Variants in TDRD9 observed in about 807,000 individuals in gnomAD.
TDRD9 encodes tudor domain containing 9.
TDRD9 carries 124 observed loss-of-function variants against 172.6 expected under a neutral mutation model. The ratio of observed to expected loss-of-function variants is 0.72; its 90% confidence interval spans 0.62 to 0.83. The LOEUF (loss-of-function observed/expected upper bound fraction) is 0.83, where lower values mean the gene tolerates loss of function less well. Ranked by LOEUF, TDRD9 falls within the 40% of genes least tolerant of loss-of-function variation. The probability of loss-of-function intolerance (pLI) is 0.00; values close to 1 mark genes in which losing one functional copy is unlikely to be tolerated. For missense variants in TDRD9, 1,479 were observed against 1,714.1 expected, an observed-to-expected ratio of 0.86 and a Z score of 2.42; for synonymous variants, 619 against 617.1, an observed-to-expected ratio of 1.00 and a Z score of -0.05.
chr14:104,042,578 TC>T (rs2035640863), intron 34 of TDRD9, among the ~76,000 whole-genome samples: 1 of 152,122 alleles, frequency 6.6e-6, no homozygotes, highest in Non-Finnish European at 1.5e-5. Flanking sequence ...TGACCTGACT[TC>T]CCTGTTTCTC....
chr14:104,022,300 G>T lies in TDRD9; in HGVS notation c.2576G>T (p.Gly859Val), dbSNP rs754739813. The change falls in exon 24 of 36, where the codon GGC becomes GTC. Residue 859 changes from glycine to valine, a missense_variant. This residue lies in a region of TDRD9 where 1,413 missense variants were observed against 1,649.1 expected (regional missense o/e 0.86). Transcript: ENST00000409874. ...GAGGAAATTGAAGGGAAGGTGCAAG[G>T]CATGAACGTCTCAAAGCTCAGGAAC... The part of the protein sequence containing the change: ...SAEEIEGKVQ[G>V]MNVSKLRNTR... 2 of 1,613,602 alleles carry T rather than the reference G, an allele frequency of 1.2e-6. No homozygotes were observed. The highest frequency in any genetic ancestry group is 1.7e-6 in the Non-Finnish European group (2 of 1,179,768).
intron 9 of TDRD9, among the ~76,000 whole-genome samples, chr14:103,993,713 A>C (rs548858096): frequency 1.3e-5 from 2 of 152,298 alleles, no homozygotes; most frequent in African/African-American, 4.8e-5. Flanking sequence ...GATACCAGTC[A>C]TTTTGGATTA....
At chr14:104,005,443 A>G in intron 15 of TDRD9, 38 bp downstream of exon 15, 1 of 1,611,844 alleles carries the variant, frequency 6.2e-7, no homozygotes, top group African/African-American at 1.3e-5. Context: ...TGGCATCTGT[A>G]GAGCTGTGTT....
chr14:104,005,050 T>G, intron 14 of TDRD9: 2 of 383,124 alleles, frequency 5.2e-6, no homozygotes, highest in Non-Finnish European at 9.3e-6. Context: ...CTTCTCTTTT[T>G]TCTTCCTTCT....
intron 1 of TDRD9, among the ~76,000 whole-genome samples, chr14:103,948,418 G>A (rs140143071): frequency 6.6e-6 from 1 of 152,282 alleles, no homozygotes; most frequent in African/African-American, 2.4e-5. Flanking sequence ...TGGGGCTGCT[G>A]TGGAAAACAG....
intron 9 of TDRD9, among the ~76,000 whole-genome samples, chr14:103,992,966 A>G (rs1030225918): frequency 4.2e-4 from 63 of 150,442 alleles, no homozygotes; most frequent in Middle Eastern, 3.4e-3. Context: ...CATGAGATAA[A>G]TACTCTATTT....
At chr14:103,937,857 C>CTT (rs11319552) in intron 1 of TDRD9, among the ~76,000 whole-genome samples, 5 of 149,808 alleles carry the variant, frequency 3.3e-5, no homozygotes, top group Non-Finnish European at 5.9e-5. Flanking sequence ...TGTTGATTTT[C>CTT]TTTTTTTTTT....
chr14:104,050,110 C>T (rs1489330619), intron 35 of TDRD9, among the ~76,000 whole-genome samples: 1 of 152,156 alleles, frequency 6.6e-6, no homozygotes, highest in Admixed American at 6.5e-5. Context: ...GAACAGCAGA[C>T]ATTTGTTCTC....
chr14:103,933,847 T>C (rs1260916838), intron 1 of TDRD9, among the ~76,000 whole-genome samples: 1 of 152,258 alleles, frequency 6.6e-6, no homozygotes, highest in East Asian at 1.9e-4. Flanking sequence ...TCAGAGAAGT[T>C]GAAGTTTACT....
intron 20 of TDRD9, 68 bp downstream of exon 20, chr14:104,008,534 A>G: frequency 1.9e-6 from 2 of 1,068,992 alleles, no homozygotes; most frequent in Non-Finnish European, 2.9e-6. Flanking sequence ...TTAAATGACA[A>G]CAATATTTAT....
At chr14:103,978,746 C>T (rs1326302664) in intron 7 of TDRD9, among the ~76,000 whole-genome samples, 1 of 152,170 alleles carries the variant, frequency 6.6e-6, no homozygotes, top group African/African-American at 2.4e-5. Flanking sequence ...ACACTATCAA[C>T]ATGACCTTTA....
chr14:103,940,881 G>T, intron 1 of TDRD9: 1 of 1,535,242 alleles, frequency 6.5e-7, no homozygotes, highest in Non-Finnish European at 8.7e-7. Flanking sequence ...TTGTGTTTTT[G>T]TCTACGTAAC....
At chr14:103,955,640 A>G in intron 1 of TDRD9, 24 bp from the exon 2 acceptor site, 1 of 1,535,396 alleles carries the variant, frequency 6.5e-7, no homozygotes. Flanking sequence ...GAAATAGTAT[A>G]CTAACTTTTA....
intron 1 of TDRD9, among the ~76,000 whole-genome samples, chr14:103,952,213 T>TATAC (rs1566734821): frequency 4.2e-5 from 3 of 71,692 alleles, no homozygotes; most frequent in African/African-American, 2.1e-4. Flanking sequence ...TATATATATA[T>TATAC]ATATATATTT....
At chr14:104,048,501 C>G (rs1180368283) in intron 34 of TDRD9, among the ~76,000 whole-genome samples, 1 of 152,160 alleles carries the variant, frequency 6.6e-6, no homozygotes, top group African/African-American at 2.4e-5. Context: ...AGCCAGTGAT[C>G]AATCAAAAGT....
chr14:103,965,567 G>A lies in TDRD9; in HGVS notation c.642+13G>A, dbSNP rs1049847385. 4.6e-6 allele frequency: 7 copies of A among 1,517,444 alleles called. No individual in the cohort carries two copies. The Admixed American group carries it at 7.9e-5, about 17-fold the overall frequency. 94.0% of individuals were successfully genotyped at this position (1,517,444 alleles called of 1,614,324 possible). A position where few individuals can be genotyped will look rare whatever the true frequency, so the allele number is the denominator to read the frequency against. On this transcript the variant is annotated intron_variant, in intron 4 of 35. Coordinates refer to ENST00000409874, the MANE Select transcript of TDRD9 (RefSeq NM_153046.3). ...GGTGGGCTACCAGGTGAGACTGGGA[G>A]GGAGGGAGGGACTAAGAGAGCCAGC... is the stretch of plus-strand genomic sequence containing the variant.
At chr14:103,987,563 C>A (rs1251253732) in intron 8 of TDRD9, among the ~76,000 whole-genome samples, 2 of 152,112 alleles carry the variant, frequency 1.3e-5, no homozygotes, top group East Asian at 3.8e-4. Flanking sequence ...GAATTTCCCC[C>A]AATTTTTCCT....
intron 2 of TDRD9, among the ~76,000 whole-genome samples, chr14:103,961,656 G>C (rs891699801): frequency 1.3e-5 from 2 of 151,750 alleles, no homozygotes; most frequent in Non-Finnish European, 2.9e-5. Context: ...ATTTTAGGAA[G>C]AACATACTCA....
rs145161855 is a variant in TDRD9, at chr14:103,967,414, A to G, written c.765+583A>G. Among the ~76,000 whole-genome samples, 1,142 of 150,752 alleles carry G rather than the reference A, an allele frequency of 7.6e-3. 13 individuals carry two copies. Among genetic ancestry groups the G allele is most frequent in the African/African-American group, 0.027 (1,101 of 41,066 alleles). ...GTGGCACACACCTATAGTCCCAGCT[A>G]CTTGAGAGGCTGAGGTGGGAGAATA... On this transcript the variant is annotated intron_variant, in intron 5 of 35. Coordinates refer to ENST00000409874, the MANE Select transcript of TDRD9 (RefSeq NM_153046.3).
Sources: gnomAD v4.1 joint callset for allele counts (sites outside exome capture counted in the v4.1 genomes callset) on GRCh38, gnomAD v4.1.1 for gene constraint, gnomAD v4.1.1 regional missense constraint, MANE v1.5 for transcripts, NCBI Gene and HGNC (gene_info 2026-07-23, HGNC 2026-07-21) for gene names.